The following RANBP2 variants were observed in gnomAD, a reference collection of about 807,000 sequenced individuals.
RANBP2 encodes E3 SUMO-protein ligase RanBP2.
In RANBP2, 57 loss-of-function variants were observed where a neutral mutation model predicts 303.6. The ratio of observed to expected loss-of-function variants is 0.19; its 90% CI spans 0.15 to 0.23. The LOEUF is 0.23. Among genes scored for constraint, RANBP2 ranks in the 10% least tolerant of loss-of-function variants. The pLI, the probability that RANBP2 is intolerant of heterozygous loss-of-function variation, is 1.00. For missense variants in RANBP2, 3,138 were observed against 3,780.8 expected, an observed-to-expected ratio of 0.83 and a Z score of 4.46; for synonymous variants, 1,167 against 1,301.5, an observed-to-expected ratio of 0.90 and a Z score of 2.23.
At chr2:109,681,770 C>CTG in the RANBP2 span, among the ~76,000 whole-genome samples, 1 of 152,356 alleles carries the variant, frequency 6.6e-6, no homozygotes, top group East Asian at 1.9e-4. Context: ...ACAGCCTGAT[C>CTG]TGTGTGTGTG....
the RANBP2 span, among the ~76,000 whole-genome samples, chr2:109,258,121 G>A: frequency 6.6e-6 from 1 of 152,176 alleles, no homozygotes; most frequent in Non-Finnish European, 1.5e-5. Context: ...CCAGACATTG[G>A]AAACACCAAG....
the RANBP2 span, among the ~76,000 whole-genome samples, chr2:109,055,239 T>C: frequency 6.6e-6 from 1 of 152,226 alleles, no homozygotes; most frequent in Non-Finnish European, 1.5e-5. Flanking sequence ...TTTTAAAGAA[T>C]TGGGTTGCTT....
the RANBP2 span, among the ~76,000 whole-genome samples, chr2:109,454,294 T>C: frequency 2.8e-4 from 42 of 152,330 alleles, no homozygotes; most frequent in Admixed American, 4.6e-4. Context: ...CCCCTTCCCT[T>C]CAGAAAGCGC....
At chr2:109,449,734 A>G in the RANBP2 span, among the ~76,000 whole-genome samples, 1 of 152,234 alleles carries the variant, frequency 6.6e-6, no homozygotes, top group Non-Finnish European at 1.5e-5. Flanking sequence ...TTCTCATGCA[A>G]ATCAGAAAAA....
At chr2:109,672,843 T>C in the RANBP2 span, among the ~76,000 whole-genome samples, 1 of 152,128 alleles carries the variant, frequency 6.6e-6, no homozygotes, top group Non-Finnish European at 1.5e-5. Flanking sequence ...TTGTCCAGAG[T>C]AGATTGGTTG....
intron 27 of RANBP2, 60 bp downstream of exon 27, chr2:108,782,461 A>T: frequency 1.9e-6 from 3 of 1,613,518 alleles, no homozygotes; most frequent in Non-Finnish European, 2.5e-6. Flanking sequence ...AATCTATAAC[A>T]AACAAAACAA....
chr2:109,356,829 A>G, the RANBP2 span, among the ~76,000 whole-genome samples: 7 of 152,130 alleles, frequency 4.6e-5, no homozygotes, highest in Non-Finnish European at 7.4e-5. Flanking sequence ...GTTCTTCAGC[A>G]TGGTAATGAT....
At chr2:109,159,437 C>T in the RANBP2 span, among the ~76,000 whole-genome samples, 3 of 152,220 alleles carry the variant, frequency 2.0e-5, no homozygotes, top group Non-Finnish European at 4.4e-5. Flanking sequence ...ACGGAGGCCT[C>T]CTGCATTACT....
chr2:109,183,373 G>A, the RANBP2 span, among the ~76,000 whole-genome samples: 1 of 152,192 alleles, frequency 6.6e-6, no homozygotes, highest in African/African-American at 2.4e-5. Context: ...CAAAGAGATG[G>A]TGAACTCTCC....
the RANBP2 span, among the ~76,000 whole-genome samples, chr2:108,881,004 C>T: frequency 1.3e-5 from 2 of 152,180 alleles, no homozygotes; most frequent in South Asian, 4.1e-4. Flanking sequence ...CCAATACTCA[C>T]GAATGACTTT....
chr2:109,451,130 G>A, the RANBP2 span, among the ~76,000 whole-genome samples: 3 of 152,328 alleles, frequency 2.0e-5, no homozygotes, highest in South Asian at 4.1e-4. Flanking sequence ...GGTTGTTCCC[G>A]TGCTGACTGG....
At chr2:109,196,136 C>T in the RANBP2 span, among the ~76,000 whole-genome samples, 1 of 152,250 alleles carries the variant, frequency 6.6e-6, no homozygotes, top group Non-Finnish European at 1.5e-5. Context: ...GGCAGGCACA[C>T]GTCCCACTCA....
the RANBP2 span, among the ~76,000 whole-genome samples, chr2:108,961,598 T>TA: frequency 1.3e-5 from 2 of 152,214 alleles, no homozygotes; most frequent in African/African-American, 4.8e-5. Flanking sequence ...ACATTTACAT[T>TA]AAAAAAGCAC....
the RANBP2 span, among the ~76,000 whole-genome samples, chr2:109,098,053 G>A: frequency 2.1e-3 from 314 of 152,142 alleles, 2 homozygotes; most frequent in African/African-American, 7.2e-3. Context: ...AGCAGGGCAG[G>A]TTCTGGGCAT....
the RANBP2 span, chr2:109,437,165 C>T: frequency 5.6e-6 from 9 of 1,596,816 alleles, no homozygotes; most frequent in Non-Finnish European, 7.7e-6. Context: ...ACAGGGGCCT[C>T]ACCCTGCAGG....
chr2:109,715,471 AG>A, the RANBP2 span, among the ~76,000 whole-genome samples: 2 of 152,156 alleles, frequency 1.3e-5, no homozygotes, highest in African/African-American at 4.8e-5. Flanking sequence ...GCTATTGTAA[AG>A]GACGTTACAA....
chr2:108,835,434 G>A, the RANBP2 span, among the ~76,000 whole-genome samples: 1 of 152,110 alleles, frequency 6.6e-6, no homozygotes, highest in Non-Finnish European at 1.5e-5. Flanking sequence ...AAAATTCATG[G>A]AACTGTTGAT....
the RANBP2 span, among the ~76,000 whole-genome samples, chr2:109,425,093 G>C: frequency 6.6e-6 from 1 of 152,240 alleles, no homozygotes; most frequent in Non-Finnish European, 1.5e-5. Context: ...TGTTTGAGTG[G>C]CCTGGATAGA....
At chr2:109,063,310 T>G in the RANBP2 span, among the ~76,000 whole-genome samples, 1 of 152,180 alleles carries the variant, frequency 6.6e-6, no homozygotes, top group Non-Finnish European at 1.5e-5. Flanking sequence ...TTTGAGCATT[T>G]CCTGTTCCCT....
Sources: allele counts gnomAD v4.1 joint callset (sites outside exome capture counted in the v4.1 genomes callset), GRCh38; gene constraint gnomAD v4.1.1; transcripts MANE v1.5; gene names NCBI Gene and HGNC (gene_info 2026-07-23, HGNC 2026-07-21).